Variants in HAAO observed in about 807,000 individuals in gnomAD.
HAAO encodes 3-hydroxyanthranilate oxygenase.
Under a neutral mutation model 46.2 loss-of-function variants are expected in HAAO, and 49 were observed. That is an observed-to-expected ratio of 1.06 (90% CI 0.84 to 1.34). HAAO has a LOEUF of 1.34. HAAO is among the 40% of genes most tolerant of loss of function. HAAO has a pLI of 0.00. For synonymous variants in HAAO, 157 were observed against 145.2 expected (o/e 1.08, Z -0.58); for missense variants, 408 against 364.5 (o/e 1.12, Z -0.97).
At chr2:42,786,616 G>T (rs1672402475) in intron 2 of HAAO, among the ~76,000 whole-genome samples, 1 of 152,192 alleles carries the variant, frequency 6.6e-6, no homozygotes, top group Admixed American at 6.5e-5. Context: ...GACATGATGT[G>T]CCCTGTCCAA....
At chr2:42,792,345 G>A (rs1476424699) in intron 1 of HAAO, 112 bp downstream of exon 1, 13 of 571,940 alleles carry the variant, frequency 2.3e-5, no homozygotes, top group Non-Finnish European at 4.0e-5. Flanking sequence ...AGATTAAAGC[G>A]GTCCTTCTGC....
intron 2 of HAAO, 155 bp from the exon 3 acceptor site, chr2:42,784,022 C>T (rs1672211908): frequency 3.3e-6 from 3 of 895,658 alleles, no homozygotes; most frequent in Non-Finnish European, 4.0e-6. Context: ...TGAGGCCTGT[C>T]TCCCCGGTGC....
At position 42,792,455 on chromosome 2, in the gene HAAO, A is replaced by G. The variant is rs773450202; in HGVS notation, c.80+2T>C. 3.8e-6 allele frequency: 6 copies of G among 1,577,680 alleles called. No individual in the cohort carries two copies. The highest frequency in any genetic ancestry group is 3.4e-4 in the Middle Eastern group (2 of 5,948). On this transcript the variant is annotated splice_donor_variant, in intron 1 of 9. Transcript: ENST00000294973. LOFTEE classifies it high-confidence loss of function. Reference sequence around the variant, plus strand: ...GGGCGGCCATGGGGGTGCTGGACTCACATGAGCTTGTTGCAGACCGGGGGC... The same window carrying G: ...GGGCGGCCATGGGGGTGCTGGACTCGCATGAGCTTGTTGCAGACCGGGGGC...
At chr2:42,788,397 C>T in intron 2 of HAAO, 132 bp downstream of exon 2, 1 of 699,028 alleles carries the variant, frequency 1.4e-6, no homozygotes, top group Non-Finnish European at 2.6e-6. Flanking sequence ...GCTGTGCCCC[C>T]TCCACTCATC....
At chr2:42,772,948 A>C (rs1250263940) in intron 4 of HAAO, among the ~76,000 whole-genome samples, 1 of 151,812 alleles carries the variant, frequency 6.6e-6, no homozygotes, top group East Asian at 1.9e-4. Context: ...AAAAAAAAAA[A>C]AAAAAACCCA....
At position 42,770,136 on chromosome 2, in the gene HAAO, G is replaced by C; in HGVS notation, c.484+7C>G. 1 of 1,603,420 alleles carries C rather than the reference G, an allele frequency of 6.2e-7. No individual in the cohort carries two copies. ...GGAAGGAGAAGGGCAGTTCCCAGCGGCCTCACCAGGGATGGGCTTTCCTGT... is the reference window on the plus strand; with the variant it reads ...GGAAGGAGAAGGGCAGTTCCCAGCGCCCTCACCAGGGATGGGCTTTCCTGT... On this transcript the variant is annotated splice_region_variant and intron_variant, in intron 6 of 9. Transcript: ENST00000294973.
chr2:42,786,702 G>A (rs1051199969), intron 2 of HAAO, among the ~76,000 whole-genome samples: 2 of 152,198 alleles, frequency 1.3e-5, no homozygotes, highest in African/African-American at 4.8e-5. Flanking sequence ...GCACCTGCAC[G>A]CTCCAAGAAA....
chr2:42,774,259 GT>G (rs1257876536), intron 4 of HAAO, among the ~76,000 whole-genome samples: 1 of 152,186 alleles, frequency 6.6e-6, no homozygotes, highest in Admixed American at 6.5e-5. Flanking sequence ...ACTGAGACCT[GT>G]CTCAAATTTT....
At chr2:42,770,643 C>T in intron 4 of HAAO, 61 bp from the exon 5 acceptor site, 2 of 1,066,340 alleles carry the variant, frequency 1.9e-6, no homozygotes, top group Admixed American at 2.3e-5. Flanking sequence ...AGGGCAGCCC[C>T]ACTCAGGCCT....
intron 4 of HAAO, among the ~76,000 whole-genome samples, chr2:42,771,100 G>A (rs371400168): frequency 6.6e-6 from 1 of 152,162 alleles, no homozygotes; most frequent in African/African-American, 2.4e-5. Flanking sequence ...AACATGGCCG[G>A]GCGCAGTGGC....
chr2:42,791,600 AT>A (rs1365347913), intron 1 of HAAO, among the ~76,000 whole-genome samples: 2 of 152,144 alleles, frequency 1.3e-5, no homozygotes, highest in African/African-American at 4.8e-5. Flanking sequence ...AAAGTTACTT[AT>A]GAAAATCCCC....
At chr2:42,776,231 CTTTTTTTTT>C (rs57398023) in intron 4 of HAAO, among the ~76,000 whole-genome samples, 3 of 71,198 alleles carry the variant, frequency 4.2e-5, no homozygotes, top group Admixed American at 2.0e-4. Flanking sequence ...TGGCATCCAT[CTTTTTTTTT>C]TTTTTTTTTT....
chr2:42,792,424 G>A (rs755497669), intron 1 of HAAO, 33 bp downstream of exon 1: 4 of 1,324,234 alleles, frequency 3.0e-6, no homozygotes, highest in Non-Finnish European at 4.2e-6. Flanking sequence ...AGGAGGCGAG[G>A]GCAGGGGGCG....
intron 4 of HAAO, among the ~76,000 whole-genome samples, chr2:42,774,940 C>G (rs1037061100): frequency 3.1e-5 from 4 of 129,744 alleles, no homozygotes; most frequent in Non-Finnish European, 4.8e-5. Context: ...CCCGTCCCTC[C>G]CCACCAACAC....
At chr2:42,790,962 C>G (rs970370231) in intron 1 of HAAO, among the ~76,000 whole-genome samples, 1 of 152,196 alleles carries the variant, frequency 6.6e-6, no homozygotes, top group Non-Finnish European at 1.5e-5. Context: ...TGCCCCTCCT[C>G]TGCCCAGAAC....
At chr2:42,770,253 C>T in intron 5 of HAAO, 67 bp from the exon 6 acceptor site, 3 of 1,324,338 alleles carry the variant, frequency 2.3e-6, no homozygotes, top group Middle Eastern at 1.8e-4. Flanking sequence ...GCGACACACA[C>T]ATACACCACA....
chr2:42,769,944 C>G, intron 6 of HAAO, 86 bp from the exon 7 acceptor site: 1 of 1,409,356 alleles, frequency 7.1e-7, no homozygotes, highest in South Asian at 1.3e-5. Context: ...GGCCCCAGGT[C>G]TCAATTGCCA....
At position 42,770,173 on chromosome 2, in the gene HAAO, C is replaced by T. The variant is rs1670997058; in HGVS notation, c.454G>A (p.Glu152Lys). The change falls in exon 6 of 10, where the codon GAG becomes AAG. Residue 152 changes from glutamate to lysine, a missense_variant. Transcript: ENST00000294973. ...APIIQEFFSSEQYRTGKPIPD... is the reference protein window; with the variant it reads ...APIIQEFFSSKQYRTGKPIPD... ...ATGGGCTTTCCTGTTCTGTACTGCT[C>T]AGAGCTGAAGAACCTGCAAGGACGA... 6.2e-7 allele frequency: 1 copy of T among 1,601,388 alleles called. No individual in the cohort carries two copies. Among genetic ancestry groups the T allele is most frequent in the East Asian group, 2.3e-5 (1 of 44,328 alleles).
At chr2:42,767,785 G>A in intron 8 of HAAO, 75 bp downstream of exon 8, 1 of 1,560,670 alleles carries the variant, frequency 6.4e-7, no homozygotes, top group East Asian at 2.2e-5. Context: ...GCCCCGTGTG[G>A]GAGCCCAGGG....
Sources: gnomAD v4.1 joint callset for allele counts (sites outside exome capture counted in the v4.1 genomes callset) on GRCh38, gnomAD v4.1.1 for gene constraint, MANE v1.5 for transcripts, NCBI Gene and HGNC (gene_info 2026-07-23, HGNC 2026-07-21) for gene names.